MRS2: variants seen among roughly 807,000 people sequenced by gnomAD.
MRS2 encodes the protein magnesium transporter MRS2, also known as magnesium transporter MRS2 homolog, mitochondrial.
MRS2 carries 40 observed loss-of-function variants against 52.6 expected under a neutral mutation model. The ratio of observed to expected loss-of-function variants is 0.76; its 90% confidence interval spans 0.59 to 0.99. The LOEUF (loss-of-function observed/expected upper bound fraction) is 0.99. Among genes scored for constraint, MRS2 ranks in the 50% least tolerant of loss-of-function variants. The pLI is 0.00. For missense variants in MRS2, 472 were observed against 532.7 expected, an observed-to-expected ratio of 0.89 and a Z score of 1.12; for synonymous variants, 193 against 195.9, an observed-to-expected ratio of 0.98 and a Z score of 0.13.
In MRS2 at chr6:24,403,183, T is replaced by C. The variant is rs146260219; in HGVS notation, c.137T>C (p.Ile46Thr). 0.031 allele frequency: 49,221 copies of C among 1,606,548 alleles called. 839 individuals are homozygous for C. The highest frequency in any genetic ancestry group is 0.057 in the Middle Eastern group (343 of 5,984). ...GCCTGCGGCCGCCGAGCCAACCTGATTGGAAGGAGCCGAGCGGCGCAGCTT... is the reference window on the plus strand; with the variant it reads ...GCCTGCGGCCGCCGAGCCAACCTGACTGGAAGGAGCCGAGCGGCGCAGCTT... Reference protein sequence around the residue: ...VAACGRRANLIGRSRAAQLCG... With the variant: ...VAACGRRANLTGRSRAAQLCG... The change falls in exon 1 of 11, where the codon ATT becomes ACT. Residue 46 changes from isoleucine to threonine, a missense_variant. Coordinates refer to ENST00000378386, the MANE Select transcript of MRS2 (RefSeq NM_020662.4).
In MRS2 at chr6:24,412,270, C is replaced by A; in HGVS notation, c.463C>A (p.Arg155Ser). 6.3e-7 allele frequency: 1 copy of A among 1,591,420 alleles called. No individual in the cohort carries two copies. The highest frequency in any genetic ancestry group is 8.5e-7 in the Non-Finnish European group (1 of 1,170,694). Reference protein sequence around the residue: ...TPECLLILDYRNLNLEQWLFR... With the variant: ...TPECLLILDYSNLNLEQWLFR... ...AGAGTGTCTTCTGATATTAGATTATCGTAATTTAAACTTAGAGCAATGGCT... is the reference window on the plus strand; with the variant it reads ...AGAGTGTCTTCTGATATTAGATTATAGTAATTTAAACTTAGAGCAATGGCT... The change falls in exon 5 of 11, where the codon CGT (arginine) becomes AGT (serine). Residue 155 changes from arginine to serine, a missense_variant. Coordinates refer to ENST00000378386, the MANE Select transcript of MRS2 (RefSeq NM_020662.4).
In MRS2 at chr6:24,424,508, G is replaced by C. The variant is rs924523625; in HGVS notation, c.*814G>C. 1 of 152,180 alleles carries C rather than the reference G, an allele frequency of 6.6e-6. No individual in the cohort carries two copies. Among genetic ancestry groups the C allele is most frequent in the African/African-American group, 2.4e-5 (1 of 41,432 alleles). 9.4% of individuals were successfully genotyped at this position (152,180 alleles called of 1,614,324 possible). Reference sequence around the variant, plus strand: ...TCTATATGCCTACACCTCAGAAGCTGACAGATGAGCTTCCTAAAACATGAG... The same window carrying C: ...TCTATATGCCTACACCTCAGAAGCTCACAGATGAGCTTCCTAAAACATGAG... On this transcript the variant is annotated 3_prime_UTR_variant, in exon 11 of 11. Transcript: ENST00000378386.
At chr6:24,416,597 A>G in intron 7 of MRS2, 84 bp downstream of exon 7, 1 of 779,598 alleles carries the variant, frequency 1.3e-6, no homozygotes, top group Non-Finnish European at 2.2e-6. Context: ...TTTCATACAG[A>G]ATGTAACATT....
intron 10 of MRS2, 32 bp downstream of exon 10, chr6:24,423,082 G>T (rs1228819714): frequency 7.7e-6 from 12 of 1,562,192 alleles, no homozygotes; most frequent in Non-Finnish European, 9.7e-6. Context: ...GCGGTATTGT[G>T]GAAGGGTTAT....
chr6:24,418,650 G>A (rs45478094), intron 9 of MRS2, 72 bp downstream of exon 9: 164,989 of 1,188,384 alleles, frequency 0.14, 12,843 homozygotes, highest in Middle Eastern at 0.17. Flanking sequence ...AGTAATCCTA[G>A]CACTTTAGGA....
At position 24,405,184 on chromosome 6, in the gene MRS2, T is replaced by C; in HGVS notation, c.207T>C (p.Phe69=). The C allele has an allele frequency of 6.2e-7, 1 of 1,613,872 alleles. No individual in the cohort carries two copies. Among genetic ancestry groups the C allele is most frequent in the South Asian group, 1.1e-5 (1 of 91,076 alleles). ...ATTCTTCAGGTGAAGTGCACCGGTT[T>C]AGAACCTCTGACGTCTCTCAAGCCA... ...RLRVAGEVHR[F]RTSDVSQATL... is the part of the protein sequence containing the mutation. Residue 69 remains phenylalanine (F), a synonymous_variant, in exon 2 of 11, where the codon TTT becomes TTC. Transcript: ENST00000378386.
At chr6:24,415,292 C>G in intron 6 of MRS2, 129 bp downstream of exon 6, 3 of 837,814 alleles carry the variant, frequency 3.6e-6, no homozygotes, top group Non-Finnish European at 5.3e-6. Flanking sequence ...CTAAAAGGGG[C>G]ACACAATCTA....
intron 8 of MRS2, 77 bp from the exon 9 acceptor site, chr6:24,418,384 G>A (rs1383697947): frequency 3.0e-5 from 48 of 1,578,310 alleles, no homozygotes; most frequent in Middle Eastern, 1.7e-4. Flanking sequence ...TCATCCATGT[G>A]GTCTGTATAG....
chr6:24,419,911 G>A (rs1385196414), intron 9 of MRS2, among the ~76,000 whole-genome samples: 5 of 152,204 alleles, frequency 3.3e-5, no homozygotes, highest in Admixed American at 2.0e-4. Flanking sequence ...AACTGAACCT[G>A]GATGTGCATC....
chr6:24,404,002 G>A (rs1581692320), intron 1 of MRS2, among the ~76,000 whole-genome samples: 1 of 152,196 alleles, frequency 6.6e-6, no homozygotes, highest in South Asian at 2.1e-4. Context: ...ATGGTGAAAA[G>A]TTAAGATTTT....
Position 24,415,129 on chromosome 6 carries a change from A to T in MRS2, c.685A>T (p.Ser229Cys). Residue 229 changes from serine (S) to cysteine (C), a missense_variant, in exon 6 of 11, where the codon AGC (serine) becomes TGC (cysteine). Physicochemically the swap from Ser to Cys is moderately radical, Grantham distance 112 (BLOSUM62 -1). Coordinates refer to ENST00000378386, the MANE Select transcript of MRS2 (RefSeq NM_020662.4). Reference protein sequence around the residue: ...VDPKHSSVDRSKLHILLQNGK... With the variant: ...VDPKHSSVDRCKLHILLQNGK... ...CCCCAAACATTCTTCTGTAGACAGAAGCAAACTGCACATTTTACTACAGAA... is the reference window on the plus strand; with the variant it reads ...CCCCAAACATTCTTCTGTAGACAGATGCAAACTGCACATTTTACTACAGAA... The T allele has an allele frequency of 3.7e-6, 6 of 1,606,498 alleles. No individual in the cohort carries two copies. The highest frequency in any genetic ancestry group is 5.1e-6 in the Non-Finnish European group (6 of 1,174,314).
intron 9 of MRS2, 56 bp downstream of exon 9, chr6:24,418,634 C>T: frequency 3.7e-6 from 5 of 1,338,658 alleles, no homozygotes; most frequent in Non-Finnish European, 5.4e-6. Context: ...CATGGTGGCT[C>T]ATGTCAGTAA....
chr6:24,411,031 A>C (rs750833786), intron 4 of MRS2, among the ~76,000 whole-genome samples: 1 of 152,060 alleles, frequency 6.6e-6, no homozygotes, highest in Non-Finnish European at 1.5e-5. Flanking sequence ...TCTACTAAAA[A>C]ATACAAAAAT....
chr6:24,418,000 A>G (rs1394408364), intron 7 of MRS2, 84 bp from the exon 8 acceptor site: 1 of 1,114,816 alleles, frequency 9.0e-7, no homozygotes, highest in Non-Finnish European at 1.3e-6. Context: ...GCTGAATGCT[A>G]TATACTAATT....
At position 24,423,869 on chromosome 6, in the gene MRS2, TAAAG is replaced by T; in HGVS notation, c.*179_*182del. ...GGATTGCATTTCCAGAATTCTGAGT[TAAAG>T]AAACAAAGTATTTGCTTTGTAAAAG... On this transcript the variant is annotated 3_prime_UTR_variant, in exon 11 of 11. Coordinates refer to ENST00000378386, the MANE Select transcript of MRS2 (RefSeq NM_020662.4). The T allele has an allele frequency of 2.7e-6, 1 of 376,438 alleles. No individual in the cohort carries two copies. Among genetic ancestry groups the T allele is most frequent in the Admixed American group, 4.1e-5 (1 of 24,384 alleles). The allele number at this position is 376,438 out of a possible 1,614,324, so 23.3% of individuals were successfully genotyped here. A position where few individuals can be genotyped will look rare whatever the true frequency, so the allele number is the denominator to read the frequency against.
chr6:24,420,914 T>G (rs953582115), intron 9 of MRS2, among the ~76,000 whole-genome samples: 2 of 152,134 alleles, frequency 1.3e-5, no homozygotes, highest in African/African-American at 4.8e-5. Context: ...TAGAGCGTGG[T>G]AGGGGTTTGG....
At position 24,403,070 on chromosome 6, in the gene MRS2, C is replaced by G. The variant is rs370977238; in HGVS notation, c.24C>G (p.Pro8=). The G allele has an allele frequency of 6.2e-7, 1 of 1,610,318 alleles. No homozygotes were observed. The highest frequency in any genetic ancestry group is 8.5e-7 in the Non-Finnish European group (1 of 1,178,982). ...CCATGGAATGCCTGCGCAGTTTACC[C>G]TGCCTCCTGCCCCGCGCGATGAGAC... The part of the protein sequence containing the change: MECLRSL[P]CLLPRAMRLP... Residue 8 remains proline, a synonymous_variant, in exon 1 of 11, where the codon CCC becomes CCG. Transcript: ENST00000378386.
In MRS2 at chr6:24,418,157, G is replaced by A. The variant is rs1424112674; in HGVS notation, c.910G>A (p.Asp304Asn). ...GTTGGAAAACTACTACCGATTGGCT[G>A]ACGATCTCTCCAATGCAGCTCGTGA... is the stretch of plus-strand genomic sequence containing the variant. ...LLLENYYRLADDLSNAARELR... is the reference protein window; with the variant it reads ...LLLENYYRLANDLSNAARELR... The change falls in exon 8 of 11, where the codon GAC becomes AAC. Residue 304 changes from aspartate to asparagine, a missense_variant. By Grantham distance (23) the Asp-to-Asn change is conservative. Transcript: ENST00000378386. The A allele has an allele frequency of 6.2e-7, 1 of 1,613,534 alleles. No homozygotes were observed. The highest frequency in any genetic ancestry group is 8.5e-7 in the Non-Finnish European group (1 of 1,179,654).
In MRS2 at chr6:24,412,223, A is replaced by G. The variant is rs778788587; in HGVS notation, c.416A>G (p.Tyr139Cys). Reference sequence around the variant, plus strand: ...TTTTGGTTTTTTTTTTTTTAACAGTATTTGAAAGCTGTGATAACTCCAGAG... The same window carrying G: ...TTTTGGTTTTTTTTTTTTTAACAGTGTTTGAAAGCTGTGATAACTCCAGAG... Reference protein sequence around the residue: ...RNNRIIMRMEYLKAVITPECL... With the variant: ...RNNRIIMRMECLKAVITPECL... The change falls in exon 5 of 11, where the codon TAT (tyrosine) becomes TGT (cysteine). Residue 139 changes from tyrosine (Y) to cysteine (C), a missense_variant and splice_region_variant. Transcript: ENST00000378386. 4 of 1,522,878 alleles carry G rather than the reference A, an allele frequency of 2.6e-6. No individual in the cohort carries two copies. The highest frequency in any genetic ancestry group is 2.2e-4 in the Middle Eastern group (1 of 4,540). 94.3% of individuals were successfully genotyped at this position (1,522,878 alleles called of 1,614,324 possible).
Sources: gnomAD v4.1 joint callset for allele counts (sites outside exome capture counted in the v4.1 genomes callset) on GRCh38, gnomAD v4.1.1 for gene constraint, MANE v1.5 for transcripts, NCBI Gene and HGNC (gene_info 2026-07-23, HGNC 2026-07-21) for gene names.